BICC1: variants seen among roughly 807,000 people sequenced by gnomAD.
The protein encoded by BICC1 is protein bicaudal C homolog 1.
In BICC1, 43 loss-of-function variants were observed where a neutral mutation model predicts 111.0. The observed-to-expected ratio is 0.39, with a 90% CI of 0.30 to 0.50. BICC1 has a LOEUF of 0.50. Ranked by LOEUF, BICC1 falls within the 20% of genes least tolerant of loss-of-function variation. The pLI is 0.88. For synonymous variants in BICC1, 467 were observed against 434.4 expected (o/e 1.07, Z -0.93); for missense variants, 1,091 against 1,203.2 (o/e 0.91, Z 1.38).
At chr10:58,637,876 C>G (rs563328300) in intron 2 of BICC1, among the ~76,000 whole-genome samples, 1 of 152,130 alleles carries the variant, frequency 6.6e-6, no homozygotes, top group Admixed American at 6.5e-5. Context: ...AGTAACTAAG[C>G]ACTGTGATAG....
chr10:58,772,969 AT>A (rs1842659735), intron 3 of BICC1, among the ~76,000 whole-genome samples: 1 of 152,236 alleles, frequency 6.6e-6, no homozygotes, highest in African/African-American at 2.4e-5. Flanking sequence ...CAAAGGTCCT[AT>A]AAGCATTACA....
chr10:58,697,417 G>T (rs866018057), intron 2 of BICC1, among the ~76,000 whole-genome samples: 9 of 152,064 alleles, frequency 5.9e-5, no homozygotes, highest in South Asian at 2.1e-4. Context: ...TATTCTTTCA[G>T]TTTTGGTTTT....
At chr10:58,769,404 G>GTATGTATATATATATATATATATATA (rs1842559333) in intron 3 of BICC1, among the ~76,000 whole-genome samples, 1 of 109,746 alleles carries the variant, frequency 9.1e-6, no homozygotes, top group South Asian at 3.5e-4. Context: ...GTGTGTGTGT[G>GTATGTATATATATATATATATATATA]TATATATATA....
intron 1 of BICC1, among the ~76,000 whole-genome samples, chr10:58,532,503 T>C (rs572354861): frequency 2.6e-5 from 4 of 151,948 alleles, no homozygotes; most frequent in African/African-American, 9.6e-5. Context: ...ACAAAAAATT[T>C]ATGGGAATAG....
chr10:58,571,498 G>T (rs577368427), intron 1 of BICC1, among the ~76,000 whole-genome samples: 1 of 55,490 alleles, frequency 1.8e-5, no homozygotes, highest in Non-Finnish European at 3.8e-5. Context: ...TCCCACCCCC[G>T]CCCTCCGACA....
intron 3 of BICC1, among the ~76,000 whole-genome samples, chr10:58,710,284 A>G (rs1840532337): frequency 6.6e-6 from 1 of 152,124 alleles, no homozygotes; most frequent in Non-Finnish European, 1.5e-5. Context: ...AAATCACTGT[A>G]CTCAAATGCC....
intron 3 of BICC1, among the ~76,000 whole-genome samples, chr10:58,734,399 G>A (rs1481907610): frequency 6.6e-6 from 1 of 152,196 alleles, no homozygotes; most frequent in East Asian, 1.9e-4. Flanking sequence ...TGACATGGTT[G>A]AATTTATTTT....
At chr10:58,516,844 C>G (rs1255668137) in intron 1 of BICC1, among the ~76,000 whole-genome samples, 2 of 151,968 alleles carry the variant, frequency 1.3e-5, no homozygotes, top group African/African-American at 4.8e-5. Context: ...CTCACATTAA[C>G]TCAACTGAGT....
intron 19 of BICC1, among the ~76,000 whole-genome samples, chr10:58,818,559 G>A (rs1564631625): frequency 1.3e-5 from 2 of 152,044 alleles, no homozygotes; most frequent in Non-Finnish European, 2.9e-5. Flanking sequence ...GTTTTTACTA[G>A]GCACTTTGTA....
At chr10:58,580,367 A>C (rs910239951) in intron 1 of BICC1, among the ~76,000 whole-genome samples, 1 of 152,156 alleles carries the variant, frequency 6.6e-6, no homozygotes, top group Non-Finnish European at 1.5e-5. Flanking sequence ...CCCAAATCCC[A>C]AAATCCCAAA....
intron 1 of BICC1, among the ~76,000 whole-genome samples, chr10:58,530,283 A>G (rs908709470): frequency 1.3e-5 from 2 of 151,834 alleles, no homozygotes; most frequent in African/African-American, 4.8e-5. Flanking sequence ...CAATACAATG[A>G]TGCACTATCT....
intron 2 of BICC1, among the ~76,000 whole-genome samples, chr10:58,676,745 C>T (rs1228593633): frequency 1.3e-5 from 2 of 152,216 alleles, no homozygotes; most frequent in South Asian, 2.1e-4. Context: ...CCCCGTGCCT[C>T]CTGACTGGGA....
intron 3 of BICC1, among the ~76,000 whole-genome samples, chr10:58,718,765 T>TGTGTGTGC (rs369039194): frequency 1.0e-4 from 15 of 148,262 alleles, no homozygotes; most frequent in African/African-American, 3.7e-4. Flanking sequence ...TGTGTGTGTG[T>TGTGTGTGC]GCGCGCGCGC....
chr10:58,771,861 G>T (rs1258457034), intron 3 of BICC1, among the ~76,000 whole-genome samples: 2 of 152,204 alleles, frequency 1.3e-5, no homozygotes, highest in African/African-American at 2.4e-5. Context: ...TGGGGAGAAA[G>T]ATGGTTTTAA....
chr10:58,617,641 A>G (rs6481412), intron 1 of BICC1, among the ~76,000 whole-genome samples: 149,265 of 152,378 alleles, frequency 0.98, 73,196 homozygotes, highest in East Asian at 1. Context: ...TGAAATCAGG[A>G]CAGCATGAAT....
At chr10:58,601,272 G>C (rs950366737) in intron 1 of BICC1, among the ~76,000 whole-genome samples, 1 of 149,836 alleles carries the variant, frequency 6.7e-6, no homozygotes, top group African/African-American at 2.4e-5. Context: ...GTTTTTATGT[G>C]TTTATTTAAA....
In BICC1 at chr10:58,820,364, C is replaced by A; in HGVS notation, c.2695-5C>A. ...TTGGTTATAGATTGACCTTTCTACC[C>A]ACAGATCGATCTTCAGACATTCCTC... On this transcript the variant is annotated splice_region_variant and splice_polypyrimidine_tract_variant and intron_variant, in intron 19 of 20. Transcript: ENST00000373886. 1 of 1,602,778 alleles carries A rather than the reference C, an allele frequency of 6.2e-7. No homozygotes were observed. The highest frequency in any genetic ancestry group is 8.5e-7 in the Non-Finnish European group (1 of 1,170,416).
chr10:58,823,295 A>G, intron 20 of BICC1: 1 of 985,292 alleles, frequency 1.0e-6, no homozygotes, highest in Non-Finnish European at 1.2e-6. Flanking sequence ...TTGGAATTTC[A>G]AAGAAAAAGG....
At chr10:58,590,528 T>C (rs1465203025) in intron 1 of BICC1, among the ~76,000 whole-genome samples, 1 of 152,176 alleles carries the variant, frequency 6.6e-6, no homozygotes, top group East Asian at 1.9e-4. Flanking sequence ...AAATTTGAAG[T>C]GTGTATTGAA....
Sources: gnomAD v4.1 joint callset for allele counts (sites outside exome capture counted in the v4.1 genomes callset) on GRCh38, gnomAD v4.1.1 for gene constraint, MANE v1.5 for transcripts, NCBI Gene and HGNC (gene_info 2026-07-23, HGNC 2026-07-21) for gene names.